WWOX: variants seen among roughly 807,000 people sequenced by gnomAD.
WWOX encodes the protein WW domain containing oxidoreductase.
Under a neutral mutation model 46.2 loss-of-function variants are expected in WWOX, and 69 were observed. That is an observed-to-expected ratio of 1.49 (90% confidence interval 1.23 to 1.82). WWOX has a LOEUF of 1.82. Ranked by LOEUF, WWOX falls within the 40% of genes most tolerant of loss-of-function variation. WWOX has a pLI of 0.00. For synonymous variants in WWOX, 359 were observed against 202.6 expected (o/e 1.77, Z -6.56); for missense variants, 919 against 542.6 (o/e 1.69, Z -6.89).
At chr16:79,203,597 C>T (rs12448355) in intron 8 of WWOX, 3 of 148,104 alleles carry the variant, frequency 2.0e-5, no homozygotes, top group Non-Finnish European at 4.5e-5. Flanking sequence ...TCTAAACAAA[C>T]AGCTTGTTTG....
intron 8 of WWOX, among the ~76,000 whole-genome samples, chr16:78,935,243 C>T (rs1287871888): frequency 6.6e-6 from 1 of 152,200 alleles, no homozygotes; most frequent in Non-Finnish European, 1.5e-5. Flanking sequence ...ACCCAGCCAT[C>T]CCATTACTGG....
intron 8 of WWOX, among the ~76,000 whole-genome samples, chr16:78,946,929 A>C (rs532755471): frequency 3.9e-5 from 6 of 152,284 alleles, no homozygotes; most frequent in African/African-American, 1.4e-4. Context: ...CCTTCCTGGA[A>C]GATTGAGATG....
At chr16:78,591,224 C>A (rs1487278622) in intron 8 of WWOX, among the ~76,000 whole-genome samples, 1 of 152,178 alleles carries the variant, frequency 6.6e-6, no homozygotes, top group Non-Finnish European at 1.5e-5. Context: ...GAACAAAGCA[C>A]CTTCTCTTCC....
chr16:78,301,394 A>G (rs1454139846), intron 5 of WWOX, among the ~76,000 whole-genome samples: 1 of 152,080 alleles, frequency 6.6e-6, no homozygotes, highest in Non-Finnish European at 1.5e-5. Context: ...AATTTTCTTT[A>G]TCGGCTACCA....
At chr16:78,736,975 C>G (rs75271278) in intron 8 of WWOX, among the ~76,000 whole-genome samples, 1 of 152,116 alleles carries the variant, frequency 6.6e-6, no homozygotes, top group African/African-American at 2.4e-5. Flanking sequence ...CCATAAAAAA[C>G]AGATTCCAAT....
At chr16:78,599,179 G>A (rs1436322205) in intron 8 of WWOX, among the ~76,000 whole-genome samples, 3 of 152,194 alleles carry the variant, frequency 2.0e-5, no homozygotes, top group African/African-American at 7.2e-5. Flanking sequence ...CCGGGATCAA[G>A]ACAGAAATGT....
At chr16:78,647,660 A>G (rs1212801173) in intron 8 of WWOX, among the ~76,000 whole-genome samples, 5 of 152,332 alleles carry the variant, frequency 3.3e-5, no homozygotes, top group Admixed American at 1.3e-4. Flanking sequence ...AGGCACATCA[A>G]CATCAGACCA....
intron 5 of WWOX, among the ~76,000 whole-genome samples, chr16:78,341,489 T>A (rs1428830056): frequency 8.3e-6 from 1 of 121,086 alleles, no homozygotes; most frequent in African/African-American, 2.8e-5. Flanking sequence ...GACGTGAGTA[T>A]TATGTTTTAT....
chr16:78,628,508 C>T (rs958508423), intron 8 of WWOX, among the ~76,000 whole-genome samples: 4 of 152,118 alleles, frequency 2.6e-5, no homozygotes, highest in African/African-American at 9.7e-5. Flanking sequence ...ACAGACTTGC[C>T]AGCTCCTTAA....
chr16:79,059,442 C>G (rs544381895), intron 8 of WWOX, among the ~76,000 whole-genome samples: 15 of 152,300 alleles, frequency 9.8e-5, no homozygotes, highest in African/African-American at 3.4e-4. Flanking sequence ...AAAGTAGAAA[C>G]TCAACAGTGT....
At chr16:78,517,272 C>A (rs2043254033) in intron 8 of WWOX, among the ~76,000 whole-genome samples, 1 of 152,028 alleles carries the variant, frequency 6.6e-6, no homozygotes. Context: ...AACTTGGTAC[C>A]CAAATGCCTT....
chr16:78,855,315 G>A (rs1007944652), intron 8 of WWOX, among the ~76,000 whole-genome samples: 1 of 151,940 alleles, frequency 6.6e-6, no homozygotes, highest in Non-Finnish European at 1.5e-5. Context: ...CTTACTGAAT[G>A]TTCTTATCAT....
chr16:79,110,924 A>C (rs1436235094), intron 8 of WWOX: 1 of 152,232 alleles, frequency 6.6e-6, no homozygotes, highest in Non-Finnish European at 1.5e-5. Flanking sequence ...ATATCGAGAC[A>C]TGCCTGGCAC....
In WWOX at chr16:78,932,360, G is replaced by A. The variant is rs77073279; in HGVS notation, c.1057-279248G>A. 5.7e-3 allele frequency among the ~76,000 whole-genome samples: 867 copies of A among 152,274 alleles called. 7 individuals carry two copies. The highest frequency in any genetic ancestry group is 0.02 in the African/African-American group (830 of 41,556). ...GACAATTCCAGGTGCCCCTCAGGCC[G>A]TTTTTCCACCCTGGTGTTTTTCTTT... On this transcript the variant is annotated intron_variant, in intron 8 of 8. Transcript: ENST00000566780.
intron 5 of WWOX, among the ~76,000 whole-genome samples, chr16:78,307,745 C>T (rs1304480535): frequency 6.6e-6 from 1 of 151,826 alleles, no homozygotes; most frequent in East Asian, 1.9e-4. Flanking sequence ...AGGCACCTGC[C>T]TCCCACATAC....
intron 5 of WWOX, among the ~76,000 whole-genome samples, chr16:78,371,772 T>G (rs2081695461): frequency 6.6e-6 from 1 of 151,766 alleles, no homozygotes. Flanking sequence ...GCTTTCAAAA[T>G]GTTCCTGATG....
intron 8 of WWOX, among the ~76,000 whole-genome samples, chr16:78,486,025 G>A (rs914346908): frequency 5.3e-5 from 8 of 152,166 alleles, no homozygotes; most frequent in Admixed American, 2.0e-4. Context: ...ACTTTGAATC[G>A]TAGATGTTTT....
At chr16:78,705,414 G>A (rs1299788556) in intron 8 of WWOX, among the ~76,000 whole-genome samples, 1 of 152,160 alleles carries the variant, frequency 6.6e-6, no homozygotes, top group African/African-American at 2.4e-5. Context: ...AAGCCAAGGC[G>A]AAAGTGGCTG....
At chr16:78,771,358 C>T (rs1432654449) in intron 8 of WWOX, among the ~76,000 whole-genome samples, 1 of 152,130 alleles carries the variant, frequency 6.6e-6, no homozygotes, top group African/African-American at 2.4e-5. Context: ...CATGCCCAAC[C>T]TAAATATATG....
Sources: allele counts gnomAD v4.1 joint callset (sites outside exome capture counted in the v4.1 genomes callset), GRCh38; gene constraint gnomAD v4.1.1; transcripts MANE v1.5; gene names NCBI Gene and HGNC (gene_info 2026-07-23, HGNC 2026-07-21).